SNTB1: variants seen among roughly 807,000 people sequenced by gnomAD.
SNTB1 encodes syntrophin beta 1.
In SNTB1, 36 loss-of-function variants were observed where a neutral mutation model predicts 48.9. That is an observed-to-expected ratio of 0.74 (90% CI 0.56 to 0.97). The LOEUF is 0.97. SNTB1 is among the 50% of genes least tolerant of loss of function. SNTB1 has a pLI of 0.00. For missense variants in SNTB1, 786 were observed against 703.4 expected (o/e 1.12, Z -1.33); for synonymous variants, 299 against 294.6 (o/e 1.01, Z -0.15).
intron 4 of SNTB1, among the ~76,000 whole-genome samples, chr8:120,564,475 G>A (rs1426553537): frequency 6.6e-6 from 1 of 151,320 alleles, no homozygotes; most frequent in East Asian, 1.9e-4. Flanking sequence ...TGTTGTTGAA[G>A]CCACCCAGTC....
At chr8:120,624,119 G>A (rs1163436572) in intron 3 of SNTB1, among the ~76,000 whole-genome samples, 1 of 152,102 alleles carries the variant, frequency 6.6e-6, no homozygotes, top group Non-Finnish European at 1.5e-5. Flanking sequence ...TGTATTTTTA[G>A]TAGACATGGG....
At chr8:120,689,310 T>C (rs983807975) in intron 2 of SNTB1, among the ~76,000 whole-genome samples, 3 of 152,186 alleles carry the variant, frequency 2.0e-5, no homozygotes, top group Admixed American at 2.0e-4. Flanking sequence ...CACCATTAAC[T>C]CCTGGCCAAG....
intron 2 of SNTB1, among the ~76,000 whole-genome samples, chr8:120,659,408 G>C (rs1817552228): frequency 6.6e-6 from 1 of 151,964 alleles, no homozygotes; most frequent in Non-Finnish European, 1.5e-5. Flanking sequence ...TTTTATCATG[G>C]GATTGCAAAA....
chr8:120,611,443 G>A (rs1019208368), intron 3 of SNTB1, among the ~76,000 whole-genome samples: 1 of 152,126 alleles, frequency 6.6e-6, no homozygotes, highest in South Asian at 2.1e-4. Flanking sequence ...ATTCCTTACA[G>A]CAGTCTGTGA....
chr8:120,612,839 G>T (rs1319945617), intron 3 of SNTB1, among the ~76,000 whole-genome samples: 1 of 152,222 alleles, frequency 6.6e-6, no homozygotes, highest in African/African-American at 2.4e-5. Flanking sequence ...AATGTGCAAA[G>T]ATCAAATTAG....
chr8:120,561,319 C>CAAAAAAAAAAA (rs1221884195), intron 4 of SNTB1, among the ~76,000 whole-genome samples: 8 of 45,646 alleles, frequency 1.8e-4, no homozygotes, highest in Admixed American at 5.8e-4. Flanking sequence ...AACTCCATCT[C>CAAAAAAAAAAA]AAAAAAAAAA....
intron 5 of SNTB1, among the ~76,000 whole-genome samples, chr8:120,546,252 A>G (rs1815378720): frequency 6.6e-6 from 1 of 152,242 alleles, no homozygotes; most frequent in Non-Finnish European, 1.5e-5. Flanking sequence ...GAGACCTGGA[A>G]GAGGTTGGCC....
At chr8:120,728,485 A>G (rs1056158656) in intron 1 of SNTB1, among the ~76,000 whole-genome samples, 1 of 150,810 alleles carries the variant, frequency 6.6e-6, no homozygotes, top group African/African-American at 2.4e-5. Flanking sequence ...CCTTGTCCCC[A>G]CTCCCTCCCT....
At chr8:120,659,442 A>C (rs982518268) in intron 2 of SNTB1, among the ~76,000 whole-genome samples, 6 of 152,114 alleles carry the variant, frequency 3.9e-5, no homozygotes, top group Admixed American at 3.9e-4. Context: ...TTCAGGTCCC[A>C]CTTATAATTT....
chr8:120,743,117 T>A (rs1477421413), intron 1 of SNTB1, among the ~76,000 whole-genome samples: 2 of 152,198 alleles, frequency 1.3e-5, no homozygotes, highest in Non-Finnish European at 2.9e-5. Context: ...TGAAAGCAAG[T>A]CAGTGACTGT....
intron 2 of SNTB1, among the ~76,000 whole-genome samples, chr8:120,678,722 T>A: frequency 6.6e-6 from 1 of 152,236 alleles, no homozygotes; most frequent in Non-Finnish European, 1.5e-5. Flanking sequence ...ACTTGTATTA[T>A]ACATATCAGA....
At chr8:120,807,444 C>T (rs1820353667) in intron 1 of SNTB1, among the ~76,000 whole-genome samples, 1 of 152,188 alleles carries the variant, frequency 6.6e-6, no homozygotes, top group African/African-American at 2.4e-5. Context: ...CCTGCCCCTA[C>T]TCCTTAAAAT....
At chr8:120,686,819 T>C (rs1818043054) in intron 2 of SNTB1, among the ~76,000 whole-genome samples, 1 of 152,180 alleles carries the variant, frequency 6.6e-6, no homozygotes, top group Admixed American at 6.5e-5. Flanking sequence ...TACAGCACCA[T>C]ATACATATAC....
At chr8:120,723,307 T>G (rs868721037) in intron 1 of SNTB1, among the ~76,000 whole-genome samples, 3 of 152,322 alleles carry the variant, frequency 2.0e-5, no homozygotes, top group African/African-American at 7.2e-5. Flanking sequence ...TATATATATA[T>G]TGCATATTCA....
At chr8:120,807,623 T>C (rs1320973259) in intron 1 of SNTB1, among the ~76,000 whole-genome samples, 3 of 152,210 alleles carry the variant, frequency 2.0e-5, no homozygotes, top group African/African-American at 4.8e-5. Flanking sequence ...TACAGCAGCT[T>C]CGTTTTGACA....
At chr8:120,721,808 T>A (rs6999333) in intron 1 of SNTB1, among the ~76,000 whole-genome samples, 4,073 of 152,172 alleles carry the variant, frequency 0.027, 172 homozygotes, top group African/African-American at 0.091. Context: ...TACATAGGTA[T>A]ACATGTGCCA....
chr8:120,680,968 C>T (rs1817921042), intron 2 of SNTB1, among the ~76,000 whole-genome samples: 1 of 152,028 alleles, frequency 6.6e-6, no homozygotes, highest in Admixed American at 6.6e-5. Flanking sequence ...GCTTGGTGAA[C>T]CCTCTCCTCA....
At chr8:120,549,018 T>A (rs1815434080) in intron 4 of SNTB1, 60 bp from the exon 5 acceptor site, 9 of 1,401,858 alleles carry the variant, frequency 6.4e-6, no homozygotes, top group African/African-American at 1.4e-5. Context: ...ACCTGGCATA[T>A]CACCTTGTAT....
chr8:120,698,573 A>G (rs1436465782), intron 1 of SNTB1, among the ~76,000 whole-genome samples: 1 of 152,176 alleles, frequency 6.6e-6, no homozygotes. Context: ...GAAGATTGCC[A>G]TTGGATTTCT....
Sources: allele counts gnomAD v4.1 joint callset (sites outside exome capture counted in the v4.1 genomes callset), GRCh38; gene constraint gnomAD v4.1.1; transcripts MANE v1.5; gene names NCBI Gene and HGNC (gene_info 2026-07-23, HGNC 2026-07-21).